The following PHIP variants were observed in gnomAD, a reference collection of about 807,000 sequenced individuals.
The protein encoded by PHIP is PH-interacting protein.
In PHIP, 54 loss-of-function variants were observed where a neutral mutation model predicts 236.8. The observed-to-expected ratio is 0.23, with a 90% CI of 0.18 to 0.29. PHIP has a LOEUF of 0.29. PHIP is among the 10% of genes least tolerant of loss of function. The pLI, the probability that PHIP is intolerant of heterozygous loss-of-function variation, is 1.00. For synonymous variants in PHIP, 756 were observed against 718.9 expected (o/e 1.05, Z -0.83); for missense variants, 1,370 against 2,190.8 (o/e 0.63, Z 7.48).
At position 78,938,144 on chromosome 6, in the gene PHIP, T is replaced by C. The variant is rs1359408608; in HGVS notation, c.*2549A>G. On this transcript the variant is annotated 3_prime_UTR_variant, in exon 40 of 40. Transcript: ENST00000275034. Reference sequence around the variant, plus strand: ...ATGCATAGAAGCTAAATTATAAAAATATAAAATCTAAATATATTGGTATTA... The same window carrying C: ...ATGCATAGAAGCTAAATTATAAAAACATAAAATCTAAATATATTGGTATTA... 2 of 151,650 alleles carry C rather than the reference T, an allele frequency of 1.3e-5. No individual in the cohort carries two copies. The highest frequency in any genetic ancestry group is 3.0e-5 in the Non-Finnish European group (2 of 67,618). The allele number at this position is 151,650 out of a possible 1,614,324, so 9.4% of individuals were successfully genotyped here. A position where few individuals can be genotyped will look rare whatever the true frequency, so the allele number is the denominator to read the frequency against.
chr6:78,954,835 C>T lies in PHIP; in HGVS notation c.4032G>A (p.Pro1344=), dbSNP rs773553141. 2.3e-5 allele frequency: 36 copies of T among 1,581,248 alleles called. No homozygotes were observed. The Middle Eastern group carries it at 5.0e-4, about 22-fold the overall frequency. Residue 1344 remains proline (P), a synonymous_variant, in exon 35 of 40, where the codon CCG becomes CCA. Transcript: ENST00000275034. ...QCEDSEPFRQ[P]VDLLEYPDYR... is the part of the protein sequence containing the mutation. ...TTACTGGATATTCAAGGAGATCTAC[C>T]GGCTGACGGAAAGGCTCTGAATCTT...
chr6:78,945,414 T>G lies in PHIP; in HGVS notation c.4714A>C (p.Asn1572His). The change falls in exon 39 of 40, where the codon AAT becomes CAT. Residue 1572 changes from asparagine to histidine, a missense_variant. By Grantham distance (68) the Asn-to-His change is moderately conservative. Transcript: ENST00000275034. The stretch of plus-strand genomic sequence containing the variant: ...TCCATGTTTTCTTTTGCAGAATTAT[T>G]CCTAGTGCCATGACTAAAACTGGAT... Reference protein sequence around the residue: ...GQSSFSHGTRNNSAKENMEKE... With the variant: ...GQSSFSHGTRHNSAKENMEKE... 6.2e-7 allele frequency: 1 copy of G among 1,611,922 alleles called. No individual in the cohort carries two copies. The highest frequency in any genetic ancestry group is 8.5e-7 in the Non-Finnish European group (1 of 1,178,028).
intron 6 of PHIP, among the ~76,000 whole-genome samples, chr6:79,050,909 G>C (rs1014706159): frequency 6.6e-6 from 1 of 152,142 alleles, no homozygotes; most frequent in Non-Finnish European, 1.5e-5. Flanking sequence ...GTTTTGATTT[G>C]AAAGCTGTAA....
chr6:79,016,832 A>T (rs1340053657), intron 12 of PHIP, among the ~76,000 whole-genome samples, 190 bp from the exon 13 acceptor site: 2 of 151,962 alleles, frequency 1.3e-5, no homozygotes, highest in East Asian at 3.8e-4. Context: ...GCTAGGTCAC[A>T]AAATAACATT....
intron 27 of PHIP, among the ~76,000 whole-genome samples, chr6:78,967,999 G>A (rs773823383): frequency 1.3e-4 from 19 of 151,980 alleles, no homozygotes; most frequent in African/African-American, 2.2e-4. Context: ...TTAGCCAGGC[G>A]TGGTGGCAGG....
chr6:78,990,044 GAGA>G (rs139308386), intron 20 of PHIP, among the ~76,000 whole-genome samples: 3,399 of 152,206 alleles, frequency 0.022, 123 homozygotes, highest in African/African-American at 0.077. Flanking sequence ...GTGAATTCTA[GAGA>G]AGAAGACTGA....
At chr6:79,031,953 CT>C (rs1484745700) in intron 7 of PHIP, among the ~76,000 whole-genome samples, 3 of 152,214 alleles carry the variant, frequency 2.0e-5, no homozygotes, top group South Asian at 4.1e-4. Flanking sequence ...GTCATACTTC[CT>C]AGATACCGCA....
In PHIP at chr6:79,038,596, A is replaced by G. The variant is rs566557981; in HGVS notation, c.600+4247T>C. ...CTCATCTCCTGGCTTCTAAGACACCACTCTTCTTTTTTTTCCCCTAGCCTC... is the reference window on the plus strand; with the variant it reads ...CTCATCTCCTGGCTTCTAAGACACCGCTCTTCTTTTTTTTCCCCTAGCCTC... On this transcript the variant is annotated intron_variant, in intron 7 of 39. Coordinates refer to ENST00000275034, the MANE Select transcript of PHIP (RefSeq NM_017934.7). 4.0e-5 allele frequency among the ~76,000 whole-genome samples: 6 copies of G among 151,064 alleles called. No individual in the cohort carries two copies. The East Asian group carries it at 1.2e-3, about 29-fold the overall frequency.
At chr6:79,033,005 C>G (rs1771745983) in intron 7 of PHIP, among the ~76,000 whole-genome samples, 1 of 152,000 alleles carries the variant, frequency 6.6e-6, no homozygotes, top group African/African-American at 2.4e-5. Flanking sequence ...ATATTTCCAT[C>G]AGGGTTCCTG....
chr6:79,031,007 G>A (rs187175178), intron 7 of PHIP, among the ~76,000 whole-genome samples: 9 of 151,996 alleles, frequency 5.9e-5, no homozygotes, highest in Admixed American at 2.6e-4. Flanking sequence ...ATTGTAGTGC[G>A]ATCTCGGCTC....
chr6:79,071,829 C>G (rs1043125335), intron 4 of PHIP, among the ~76,000 whole-genome samples: 1 of 151,760 alleles, frequency 6.6e-6, no homozygotes, highest in African/African-American at 2.4e-5. Flanking sequence ...ATGGTAAATA[C>G]CCACAAAACT....
chr6:79,057,135 A>T (rs1773115827), intron 6 of PHIP, among the ~76,000 whole-genome samples: 1 of 152,142 alleles, frequency 6.6e-6, no homozygotes, highest in Admixed American at 6.6e-5. Context: ...TGAATGTGAG[A>T]TATTCAAGAG....
chr6:79,011,706 G>A (rs549383794), intron 15 of PHIP, among the ~76,000 whole-genome samples: 1 of 151,646 alleles, frequency 6.6e-6, no homozygotes, highest in Non-Finnish European at 1.5e-5. Context: ...AGTTTCTCTG[G>A]AGAATACTAC....
intron 25 of PHIP, 146 bp downstream of exon 25, chr6:78,970,635 C>T (rs1767470730): frequency 8.8e-6 from 5 of 569,970 alleles, no homozygotes; most frequent in Admixed American, 7.2e-5. Context: ...AAATTAAACA[C>T]CTCCTACTCT....
intron 7 of PHIP, among the ~76,000 whole-genome samples, chr6:79,036,179 C>A (rs567611565): frequency 2.6e-5 from 4 of 152,320 alleles, no homozygotes; most frequent in African/African-American, 9.6e-5. Flanking sequence ...AATCCATAAA[C>A]AAGACTCTCG....
intron 17 of PHIP, among the ~76,000 whole-genome samples, chr6:79,001,520 C>T (rs1404795395): frequency 6.6e-6 from 1 of 152,028 alleles, no homozygotes; most frequent in Non-Finnish European, 1.5e-5. Flanking sequence ...CTAACCCATT[C>T]CATGAAAGCA....
intron 24 of PHIP, among the ~76,000 whole-genome samples, chr6:78,971,785 C>T (rs910445431): frequency 6.6e-6 from 1 of 152,146 alleles, no homozygotes; most frequent in Non-Finnish European, 1.5e-5. Flanking sequence ...CCTGGAAAAT[C>T]GGGTCACTCC....
At chr6:79,065,353 G>A (rs1773572867) in intron 4 of PHIP, among the ~76,000 whole-genome samples, 1 of 152,156 alleles carries the variant, frequency 6.6e-6, no homozygotes, top group Non-Finnish European at 1.5e-5. Context: ...AGAAATGCAT[G>A]TATGGTCACT....
At chr6:78,980,328 C>T (rs896153305) in intron 23 of PHIP, among the ~76,000 whole-genome samples, 1 of 151,912 alleles carries the variant, frequency 6.6e-6, no homozygotes, top group African/African-American at 2.4e-5. Context: ...ACATGAGATG[C>T]TACCACAGTA....
Sources: allele counts gnomAD v4.1 joint callset (sites outside exome capture counted in the v4.1 genomes callset), GRCh38; gene constraint gnomAD v4.1.1; transcripts MANE v1.5; gene names NCBI Gene and HGNC (gene_info 2026-07-23, HGNC 2026-07-21).